CDH13: variants seen among roughly 807,000 people sequenced by gnomAD.
CDH13 encodes cadherin-13.
In CDH13, 24 loss-of-function variants were observed where a neutral mutation model predicts 63.8. The observed-to-expected ratio is 0.38, with a 90% CI of 0.27 to 0.53. CDH13 has a LOEUF of 0.53. Ranked by LOEUF, CDH13 falls within the 20% of genes least tolerant of loss-of-function variation. The pLI is 0.85. For synonymous variants in CDH13, 503 were observed against 355.3 expected (o/e 1.42, Z -4.67); for missense variants, 1,049 against 903.1 (o/e 1.16, Z -2.07).
At chr16:83,111,402 G>A (rs1275598390) in intron 3 of CDH13, among the ~76,000 whole-genome samples, 1 of 152,104 alleles carries the variant, frequency 6.6e-6, no homozygotes, top group Non-Finnish European at 1.5e-5. Flanking sequence ...GTGACATTTA[G>A]ACTAAAGCAT....
At chr16:83,541,763 A>T (rs1319127891) in intron 7 of CDH13, among the ~76,000 whole-genome samples, 1 of 152,202 alleles carries the variant, frequency 6.6e-6, no homozygotes, top group Non-Finnish European at 1.5e-5. Flanking sequence ...TGCAGCAGTT[A>T]ATGTTGCTCT....
At chr16:82,917,764 A>G (rs538992059) in intron 2 of CDH13, among the ~76,000 whole-genome samples, 3 of 151,970 alleles carry the variant, frequency 2.0e-5, no homozygotes, top group South Asian at 4.2e-4. Context: ...ACACCCAAAA[A>G]ATTAGCCAGG....
At chr16:83,645,740 C>T (rs1240261977) in intron 8 of CDH13, among the ~76,000 whole-genome samples, 1 of 151,892 alleles carries the variant, frequency 6.6e-6, no homozygotes, top group African/African-American at 2.4e-5. Flanking sequence ...GTGGCCCGTT[C>T]TTGGTGGTAG....
intron 6 of CDH13, among the ~76,000 whole-genome samples, chr16:83,361,489 C>T (rs1404427875): frequency 6.6e-6 from 1 of 152,160 alleles, no homozygotes; most frequent in Admixed American, 6.5e-5. Flanking sequence ...AGAACTTAGC[C>T]ATAAATTATT....
chr16:83,146,504 CTGGGGCAGGA>C (rs537228428), intron 4 of CDH13, among the ~76,000 whole-genome samples: 1 of 152,356 alleles, frequency 6.6e-6, no homozygotes, highest in South Asian at 2.1e-4. Context: ...CTATCTAAGG[CTGGGGCAGGA>C]GTAACAGGAA....
At chr16:83,757,026 A>G (rs1048975095) in intron 11 of CDH13, among the ~76,000 whole-genome samples, 5 of 152,240 alleles carry the variant, frequency 3.3e-5, no homozygotes, top group Admixed American at 1.3e-4. Context: ...CATGCAGAGC[A>G]TATAGAAAAG....
chr16:82,688,586 A>G (rs1266765751), intron 1 of CDH13, among the ~76,000 whole-genome samples: 1 of 152,260 alleles, frequency 6.6e-6, no homozygotes, highest in Non-Finnish European at 1.5e-5. Flanking sequence ...TTTACAGTGT[A>G]ATAGTGAAAA....
chr16:83,716,023 G>C (rs1362174275), intron 10 of CDH13, among the ~76,000 whole-genome samples: 3 of 152,018 alleles, frequency 2.0e-5, no homozygotes, highest in Admixed American at 2.0e-4. Flanking sequence ...CATCTTCTTG[G>C]TACAGTCTTC....
chr16:83,238,442 C>T (rs1482694723), intron 5 of CDH13, among the ~76,000 whole-genome samples: 3 of 152,154 alleles, frequency 2.0e-5, no homozygotes, highest in African/African-American at 7.2e-5. Context: ...TCAATTACCT[C>T]CCACCAGGTC....
intron 11 of CDH13, among the ~76,000 whole-genome samples, chr16:83,765,193 C>G (rs1914283311): frequency 6.6e-6 from 1 of 152,204 alleles, no homozygotes; most frequent in Non-Finnish European, 1.5e-5. Context: ...GTACCATTGA[C>G]ATTAGCACAT....
intron 1 of CDH13, among the ~76,000 whole-genome samples, chr16:82,701,696 C>G (rs954561489): frequency 4.6e-5 from 7 of 152,154 alleles, no homozygotes; most frequent in Non-Finnish European, 1.0e-4. Context: ...ACAGCCCATC[C>G]TCAGCATTTC....
intron 2 of CDH13, among the ~76,000 whole-genome samples, chr16:82,974,971 G>A (rs930564210): frequency 2.2e-4 from 33 of 152,304 alleles, no homozygotes; most frequent in Middle Eastern, 3.4e-3. Context: ...CTGTAATGGC[G>A]CTGGGTCAGT....
chr16:83,125,173 C>G (rs2035754534), intron 3 of CDH13, among the ~76,000 whole-genome samples: 1 of 152,082 alleles, frequency 6.6e-6, no homozygotes, highest in African/African-American at 2.4e-5. Context: ...GTTGGGTGTT[C>G]AAATAGCTTA....
At chr16:83,776,802 G>A (rs1324768782) in intron 11 of CDH13, among the ~76,000 whole-genome samples, 1 of 152,156 alleles carries the variant, frequency 6.6e-6, no homozygotes, top group Non-Finnish European at 1.5e-5. Context: ...ACTAGCATCT[G>A]CTCTTTAAAC....
chr16:82,684,793 C>T (rs1914895668), intron 1 of CDH13, among the ~76,000 whole-genome samples: 1 of 152,188 alleles, frequency 6.6e-6, no homozygotes, highest in South Asian at 2.1e-4. Context: ...GCAGGCATAG[C>T]CTGAGCCCAC....
chr16:82,991,295 T>A (rs7501396), intron 2 of CDH13, among the ~76,000 whole-genome samples: 21,444 of 152,224 alleles, frequency 0.14, 1,826 homozygotes, highest in African/African-American at 0.24. Flanking sequence ...TGGTTTTTAC[T>A]GCTGAAAGGC....
intron 1 of CDH13, among the ~76,000 whole-genome samples, chr16:82,761,582 G>T (rs1275412497): frequency 1.3e-5 from 2 of 152,166 alleles, no homozygotes; most frequent in Admixed American, 1.3e-4. Context: ...GCTGAACAAG[G>T]CCAAGGGAAG....
At chr16:83,739,439 T>C (rs957243893) in intron 10 of CDH13, among the ~76,000 whole-genome samples, 1 of 152,210 alleles carries the variant, frequency 6.6e-6, no homozygotes, top group Non-Finnish European at 1.5e-5. Flanking sequence ...TTTTCTGTGC[T>C]GTTTTCCCTG....
intron 10 of CDH13, among the ~76,000 whole-genome samples, chr16:83,741,709 T>G (rs1473065128): frequency 6.6e-6 from 1 of 152,146 alleles, no homozygotes; most frequent in Non-Finnish European, 1.5e-5. Context: ...CATTTTTAAG[T>G]CTAAACTGAA....
Sources: allele counts gnomAD v4.1 joint callset (sites outside exome capture counted in the v4.1 genomes callset), GRCh38; gene constraint gnomAD v4.1.1; transcripts MANE v1.5; gene names NCBI Gene and HGNC (gene_info 2026-07-23, HGNC 2026-07-21).